The following SLC25A26 variants were observed in gnomAD, a reference collection of about 807,000 sequenced individuals.
The protein encoded by SLC25A26 is solute carrier family 25 member 26, also known as mitochondrial S-adenosylmethionine carrier protein.
SLC25A26 carries 36 observed loss-of-function variants against 37.8 expected under a neutral mutation model. The ratio of observed to expected loss-of-function variants is 0.95; its 90% CI spans 0.73 to 1.26. SLC25A26 has a LOEUF of 1.26. SLC25A26 is among the 50% of genes most tolerant of loss of function. The pLI, the probability that SLC25A26 is intolerant of heterozygous loss-of-function variation, is 0.00. For synonymous variants in SLC25A26, 129 were observed against 122.5 expected (o/e 1.05, Z -0.35); for missense variants, 390 against 331.1 (o/e 1.18, Z -1.38).
At chr3:66,342,944 A>AT (rs2076242854) in intron 5 of SLC25A26, among the ~76,000 whole-genome samples, 1 of 152,202 alleles carries the variant, frequency 6.6e-6, no homozygotes, top group Non-Finnish European at 1.5e-5. Flanking sequence ...ACAGTGAGCC[A>AT]TTTTGTAACT....
At chr3:66,362,618 C>T (rs1027578440) in intron 6 of SLC25A26, among the ~76,000 whole-genome samples, 3 of 152,130 alleles carry the variant, frequency 2.0e-5, no homozygotes, top group African/African-American at 7.2e-5. Flanking sequence ...TGTGCGTGCA[C>T]ACACACATAT....
chr3:66,282,483 A>G (rs1289240976), intron 5 of SLC25A26, among the ~76,000 whole-genome samples: 1 of 152,076 alleles, frequency 6.6e-6, no homozygotes, highest in Non-Finnish European at 1.5e-5. Flanking sequence ...TGGTGTAGCA[A>G]GGTATCTTAG....
At chr3:66,153,789 A>G (rs2106696891) in intron 1 of SLC25A26, among the ~76,000 whole-genome samples, 1 of 152,346 alleles carries the variant, frequency 6.6e-6, no homozygotes, top group Non-Finnish European at 1.5e-5. Flanking sequence ...TTGTAAAGCC[A>G]AATGAAAACC....
chr3:66,189,698 G>C (rs1207542201), intron 1 of SLC25A26, among the ~76,000 whole-genome samples: 1 of 152,100 alleles, frequency 6.6e-6, no homozygotes, highest in African/African-American at 2.4e-5. Flanking sequence ...ATCTTGCTCT[G>C]TTGCCCAAGT....
chr3:66,295,456 A>G (rs1457174621), intron 5 of SLC25A26, among the ~76,000 whole-genome samples: 1 of 133,894 alleles, frequency 7.5e-6, no homozygotes, highest in African/African-American at 2.9e-5. Flanking sequence ...CAGGCTGGAG[A>G]GCAGTGGTAC....
At chr3:66,174,508 T>C (rs1388475846) in intron 1 of SLC25A26, among the ~76,000 whole-genome samples, 3 of 152,062 alleles carry the variant, frequency 2.0e-5, no homozygotes, top group East Asian at 1.9e-4. Flanking sequence ...AGGCTAGGCG[T>C]GGTGGCTCAG....
At chr3:66,303,865 G>A (rs1279300793) in intron 5 of SLC25A26, among the ~76,000 whole-genome samples, 3 of 152,176 alleles carry the variant, frequency 2.0e-5, no homozygotes, top group Admixed American at 6.5e-5. Flanking sequence ...TGCACAGGGC[G>A]GTTGGCAGAT....
chr3:66,335,596 C>G (rs2076076502), intron 5 of SLC25A26, among the ~76,000 whole-genome samples: 2 of 152,158 alleles, frequency 1.3e-5, no homozygotes, highest in Non-Finnish European at 2.9e-5. Context: ...TTATCCCCTC[C>G]CTTTTCTTCA....
chr3:66,369,063 C>CA (rs869096319), intron 7 of SLC25A26, among the ~76,000 whole-genome samples: 2 of 23,462 alleles, frequency 8.5e-5, no homozygotes, highest in African/African-American at 2.1e-4. Context: ...AAAAAAAAAA[C>CA]AAAAGACAGT....
chr3:66,224,969 G>T (rs1553659899), intron 1 of SLC25A26, among the ~76,000 whole-genome samples: 2 of 152,176 alleles, frequency 1.3e-5, no homozygotes, highest in Non-Finnish European at 2.9e-5. Context: ...TGCTGTAAGA[G>T]GTGGGTTCCC....
At chr3:66,297,767 G>A (rs961152376) in intron 5 of SLC25A26, among the ~76,000 whole-genome samples, 5 of 152,162 alleles carry the variant, frequency 3.3e-5, no homozygotes, top group African/African-American at 1.2e-4. Context: ...AGACTGTATG[G>A]ACCATAAAGC....
intron 1 of SLC25A26, among the ~76,000 whole-genome samples, chr3:66,147,620 G>A (rs1388433165): frequency 6.6e-6 from 1 of 152,110 alleles, no homozygotes; most frequent in Non-Finnish European, 1.5e-5. Context: ...GGGATTGCTG[G>A]ATCGAATGAT....
chr3:66,295,575 G>A (rs1438678240), intron 5 of SLC25A26, among the ~76,000 whole-genome samples: 2 of 151,838 alleles, frequency 1.3e-5, no homozygotes, highest in Admixed American at 6.6e-5. Flanking sequence ...CTAATTTTTT[G>A]TGTGTTTAGT....
chr3:66,199,068 A>G (rs989250325), intron 1 of SLC25A26, among the ~76,000 whole-genome samples: 3 of 151,030 alleles, frequency 2.0e-5, no homozygotes, highest in African/African-American at 2.4e-5. Context: ...CCCCCTTCTC[A>G]TGATCCTTAC....
At chr3:66,216,220 C>T (rs1330495812), upstream of SLC25A26, among the ~76,000 whole-genome samples, 1 of 152,100 alleles carries the variant, frequency 6.6e-6, no homozygotes, top group African/African-American at 2.4e-5. Context: ...TCGTATTTTT[C>T]AATAAAAATC....
intron 5 of SLC25A26, among the ~76,000 whole-genome samples, chr3:66,293,482 G>T (rs767100219): frequency 1.3e-4 from 19 of 151,120 alleles, no homozygotes; most frequent in Non-Finnish European, 2.8e-4. Flanking sequence ...TTGCCACCCA[G>T]GTACTAAGTC....
chr3:66,300,599 G>T (rs1307466237), intron 5 of SLC25A26, among the ~76,000 whole-genome samples: 1 of 152,010 alleles, frequency 6.6e-6, no homozygotes, highest in African/African-American at 2.4e-5. Context: ...AACAGAATAA[G>T]GATTTATATA....
At chr3:66,182,441 G>T (rs1167671695) in intron 1 of SLC25A26, among the ~76,000 whole-genome samples, 1 of 152,144 alleles carries the variant, frequency 6.6e-6, no homozygotes, top group African/African-American at 2.4e-5. Context: ...CCTCTGAATT[G>T]TGAGAGCTGA....
At chr3:66,253,005 T>A (rs1192617717) in intron 3 of SLC25A26, among the ~76,000 whole-genome samples, 1 of 141,996 alleles carries the variant, frequency 7.0e-6, no homozygotes, top group African/African-American at 2.7e-5. Flanking sequence ...CGTTGGTTAC[T>A]GTGATAGGCA....
Sources: gnomAD v4.1 joint callset for allele counts (sites outside exome capture counted in the v4.1 genomes callset) on GRCh38, gnomAD v4.1.1 for gene constraint, MANE v1.5 for transcripts, NCBI Gene and HGNC (gene_info 2026-07-23, HGNC 2026-07-21) for gene names.